Variants in UBE2K observed in about 807,000 individuals in gnomAD.
UBE2K encodes ubiquitin conjugating enzyme E2 K, also known as ubiquitin-conjugating enzyme E2 K.
In UBE2K, 6 loss-of-function variants were observed where a neutral mutation model predicts 30.0. The ratio of observed to expected loss-of-function variants is 0.20; its 90% CI spans 0.11 to 0.39. UBE2K has a LOEUF of 0.39. Among genes scored for constraint, UBE2K ranks in the 10% least tolerant of loss-of-function variants. The probability of loss-of-function intolerance (pLI) is 1.00; values close to 1 mark genes in which losing one functional copy is unlikely to be tolerated. For synonymous variants in UBE2K, 86 were observed against 83.7 expected (o/e 1.03, Z -0.15); for missense variants, 61 against 241.6 (o/e 0.25, Z 4.96).
intron 1 of UBE2K, chr4:39,714,541 TATATATA>T (rs1474835837): frequency 1.9e-5 from 1 of 53,862 alleles, no homozygotes; most frequent in African/African-American, 1.4e-4. Context: ...TATATATATA[TATATATA>T]TATTTTTTTT....
chr4:39,735,801 T>C (rs538600034), intron 1 of UBE2K, among the ~76,000 whole-genome samples: 1 of 152,170 alleles, frequency 6.6e-6, no homozygotes, highest in Non-Finnish European at 1.5e-5. Context: ...TATAGTTAAA[T>C]TTAGTTTTTG....
intron 4 of UBE2K, among the ~76,000 whole-genome samples, chr4:39,774,481 C>T (rs980967160): frequency 6.7e-6 from 1 of 148,900 alleles, no homozygotes; most frequent in Admixed American, 6.7e-5. Flanking sequence ...GGCGTTAAGG[C>T]GGGCCCCTGT....
chr4:39,719,202 G>A (rs907499848), intron 1 of UBE2K, among the ~76,000 whole-genome samples: 6 of 152,198 alleles, frequency 3.9e-5, no homozygotes, highest in Admixed American at 1.3e-4. Flanking sequence ...TGTTTCATCT[G>A]TCTGGAATAA....
intron 4 of UBE2K, among the ~76,000 whole-genome samples, chr4:39,763,452 T>C (rs1392499475): frequency 1.3e-5 from 2 of 152,078 alleles, no homozygotes; most frequent in African/African-American, 4.8e-5. Context: ...GGTTTCTCCA[T>C]GTTGGTCAGG....
At chr4:39,737,771 G>A (rs181301725) in intron 2 of UBE2K, among the ~76,000 whole-genome samples, 283 of 152,224 alleles carry the variant, frequency 1.9e-3, no homozygotes, top group Non-Finnish European at 3.0e-3. Context: ...GAATTTAATA[G>A]AATAAAAGAT....
chr4:39,757,175 G>A (rs1017763681), intron 4 of UBE2K, among the ~76,000 whole-genome samples: 5 of 151,916 alleles, frequency 3.3e-5, no homozygotes, highest in Non-Finnish European at 5.9e-5. Context: ...ACAGGCGTGC[G>A]CCATCATGCC....
chr4:39,752,459 C>T (rs1158052368), intron 3 of UBE2K, among the ~76,000 whole-genome samples: 3 of 151,746 alleles, frequency 2.0e-5, no homozygotes, highest in African/African-American at 4.8e-5. Context: ...GCCTCAGCCT[C>T]CCGAGTAGCT....
chr4:39,705,700 T>C (rs114940013), intron 1 of UBE2K, among the ~76,000 whole-genome samples: 2,846 of 151,998 alleles, frequency 0.019, 99 homozygotes, highest in African/African-American at 0.064. Flanking sequence ...TTTTGTTTTG[T>C]TTTTGTGACA....
At chr4:39,705,127 G>A (rs1474624886) in intron 1 of UBE2K, among the ~76,000 whole-genome samples, 2 of 150,248 alleles carry the variant, frequency 1.3e-5, no homozygotes. Context: ...TCGAGCTCCT[G>A]ACCTTGTGAT....
chr4:39,699,914 A>G (rs561105904), intron 1 of UBE2K, among the ~76,000 whole-genome samples: 4 of 152,170 alleles, frequency 2.6e-5, no homozygotes, highest in Non-Finnish European at 5.9e-5. Context: ...TACAATGCAG[A>G]AATAGAGTCA....
At chr4:39,720,137 C>T (rs958398758) in intron 1 of UBE2K, among the ~76,000 whole-genome samples, 7 of 152,134 alleles carry the variant, frequency 4.6e-5, no homozygotes, top group African/African-American at 1.7e-4. Flanking sequence ...GAGCTCATCC[C>T]CAACCATTGT....
intron 3 of UBE2K, among the ~76,000 whole-genome samples, chr4:39,748,780 T>A (rs1226491559): frequency 6.6e-6 from 1 of 152,104 alleles, no homozygotes; most frequent in Non-Finnish European, 1.5e-5. Context: ...TAGTGTTCTT[T>A]AAATACGGTA....
intron 1 of UBE2K, among the ~76,000 whole-genome samples, chr4:39,725,516 G>C (rs1334315235): frequency 6.6e-6 from 1 of 151,676 alleles, no homozygotes; most frequent in Non-Finnish European, 1.5e-5. Flanking sequence ...CTCCTTAGTT[G>C]AGATTGGAAG....
intron 4 of UBE2K, among the ~76,000 whole-genome samples, chr4:39,763,124 AT>A (rs1178457464): frequency 1.4e-5 from 2 of 147,280 alleles, no homozygotes; most frequent in African/African-American, 5.0e-5. Flanking sequence ...TGTGTTTTTA[AT>A]ACAGATAGAC....
chr4:39,728,832 T>G lies in UBE2K; in HGVS notation c.64-8588T>G, dbSNP rs201047488. Among the ~76,000 whole-genome samples the G allele has an allele frequency of 5.8e-4, 86 of 148,334 alleles. No individual in the cohort carries two copies. The East Asian group carries it at 0.013, about 22-fold the overall frequency. On this transcript the variant is annotated intron_variant, in intron 1 of 6. Coordinates refer to ENST00000261427, the MANE Select transcript of UBE2K (RefSeq NM_005339.5). ...AGGTTTTTTTTGTTTTTTTTGTTTTTTTTTTTTTGTATTTTTAGTAGAGAC... is the reference window on the plus strand; with the variant it reads ...AGGTTTTTTTTGTTTTTTTTGTTTTGTTTTTTTTGTATTTTTAGTAGAGAC...
At chr4:39,699,862 A>AT (rs1717910764) in intron 1 of UBE2K, among the ~76,000 whole-genome samples, 1 of 152,184 alleles carries the variant, frequency 6.6e-6, no homozygotes, top group Admixed American at 6.5e-5. Context: ...GTTTGTTCAT[A>AT]TGCCAAAACT....
intron 1 of UBE2K, among the ~76,000 whole-genome samples, chr4:39,734,105 ATT>A (rs11417002): frequency 2.3e-4 from 31 of 136,250 alleles, no homozygotes; most frequent in African/African-American, 2.2e-4. Flanking sequence ...GCCCTCTAGA[ATT>A]TTTTTTTTTT....
chr4:39,771,022 C>CGAG, intron 4 of UBE2K: 1 of 1,611,834 alleles, frequency 6.2e-7, no homozygotes, highest in African/African-American at 1.3e-5. Context: ...GCTAGCCTCA[C>CGAG]GGACCCCATC....
chr4:39,760,125 C>CGACA (rs1711795994), intron 4 of UBE2K, among the ~76,000 whole-genome samples: 1 of 132,088 alleles, frequency 7.6e-6, no homozygotes, highest in Admixed American at 9.6e-5. Flanking sequence ...TGCAGTGAGC[C>CGACA]GACATCGCGC....
Sources: gnomAD v4.1 joint callset for allele counts (sites outside exome capture counted in the v4.1 genomes callset) on GRCh38, gnomAD v4.1.1 for gene constraint, MANE v1.5 for transcripts, NCBI Gene and HGNC (gene_info 2026-07-23, HGNC 2026-07-21) for gene names.